Variants in CNBD1 observed in about 807,000 individuals in gnomAD.
The protein encoded by CNBD1 is cyclic nucleotide binding domain containing 1.
A neutral mutation model predicts 54.4 loss-of-function variants in CNBD1; 71 were observed. That is an observed-to-expected ratio of 1.30 (90% CI 1.08 to 1.59). CNBD1 has a LOEUF of 1.59. CNBD1 is among the 40% of genes most tolerant of loss of function. The pLI, the probability that CNBD1 is intolerant of heterozygous loss-of-function variation, is 0.00. For missense variants in CNBD1, 659 were observed against 518.0 expected, an observed-to-expected ratio of 1.27 and a Z score of -2.64; for synonymous variants, 182 against 170.7, an observed-to-expected ratio of 1.07 and a Z score of -0.51.
intron 5 of CNBD1, among the ~76,000 whole-genome samples, chr8:87,220,442 T>C (rs894347140): frequency 6.6e-6 from 1 of 151,956 alleles, no homozygotes; most frequent in East Asian, 1.9e-4. Flanking sequence ...TCTCTGCAAC[T>C]TCACTTTCTT....
intron 4 of CNBD1, among the ~76,000 whole-genome samples, chr8:86,955,236 T>C (rs1807733765): frequency 6.6e-6 from 1 of 152,220 alleles, no homozygotes; most frequent in Admixed American, 6.5e-5. Context: ...ATATCATTGA[T>C]GGACATTTGG....
rs183058044 is a variant in CNBD1, at chr8:87,409,288, C to A, written c.214-19258C>A. On this transcript the variant is annotated intron_variant, in intron 2 of 7. Coordinates refer to the CNBD1 transcript ENST00000521593. ...TCTGAATAGAAGATCAAATAAGCCA[C>A]AACACTCCCTCAAGCCTCAGCATCT... 1.6e-3 allele frequency among the ~76,000 whole-genome samples: 238 copies of A among 152,224 alleles called. 1 individual carries two copies. The highest frequency in any genetic ancestry group is 3.2e-3 in the Admixed American group (49 of 15,280).
chr8:87,172,508 C>T (rs1439776255), intron 4 of CNBD1, among the ~76,000 whole-genome samples: 2 of 152,038 alleles, frequency 1.3e-5, no homozygotes, highest in East Asian at 3.9e-4. Flanking sequence ...CTCTCTCTCT[C>T]TCTCTCTTTA....
chr8:87,363,329 G>C (rs1268575635), intron 10 of CNBD1, among the ~76,000 whole-genome samples: 1 of 152,050 alleles, frequency 6.6e-6, no homozygotes, highest in Non-Finnish European at 1.5e-5. Context: ...TGCCTTTATA[G>C]TAGAATGATT....
chr8:86,988,011 T>C (rs1808647576), intron 4 of CNBD1, among the ~76,000 whole-genome samples: 1 of 152,158 alleles, frequency 6.6e-6, no homozygotes, highest in Admixed American at 6.6e-5. Flanking sequence ...GCTAGCTTAA[T>C]ATAATGAGCA....
intron 4 of CNBD1, among the ~76,000 whole-genome samples, chr8:87,117,141 G>A (rs1811789085): frequency 6.6e-6 from 1 of 152,136 alleles, no homozygotes; most frequent in African/African-American, 2.4e-5. Flanking sequence ...GCTCACGCCT[G>A]TAATCTCAGC....
At chr8:87,109,510 G>A (rs1386855943) in intron 4 of CNBD1, among the ~76,000 whole-genome samples, 1 of 149,748 alleles carries the variant, frequency 6.7e-6, no homozygotes, top group African/African-American at 2.5e-5. Flanking sequence ...AAATTTAAAA[G>A]TCAGGGTTTG....
Position 86,870,277 on chromosome 8 carries a change from C to T in CNBD1, c.88+3694C>T, listed in dbSNP as rs560258129. ...GATTTCATTTCACTGCAAACTCTGC[C>T]TCCTGAGTTCACGCCATTCTCCTGC... On this transcript the variant is annotated intron_variant, in intron 1 of 10. Coordinates refer to ENST00000518476, the MANE Select transcript of CNBD1 (RefSeq NM_173538.3). 9.0e-5 allele frequency among the ~76,000 whole-genome samples: 13 copies of T among 144,254 alleles called. No homozygotes were observed. In the South Asian group the frequency reaches 3.0e-3, roughly 33 times the overall value. 94.6% of individuals were successfully genotyped at this position (144,254 alleles called of 152,430 possible).
At chr8:87,378,817 G>T (rs62526828) in intron 10 of CNBD1, among the ~76,000 whole-genome samples, 21,050 of 149,120 alleles carry the variant, frequency 0.14, 1,673 homozygotes, top group Non-Finnish European at 0.15. Flanking sequence ...GTTTGTATCC[G>T]CTTTTATTTC....
At chr8:87,225,465 G>A (rs1228173779) in intron 5 of CNBD1, among the ~76,000 whole-genome samples, 2 of 150,974 alleles carry the variant, frequency 1.3e-5, no homozygotes, top group Admixed American at 6.6e-5. Context: ...GTTGAATTTT[G>A]TCAAAGGCCT....
intron 5 of CNBD1, among the ~76,000 whole-genome samples, chr8:87,227,018 C>T (rs1422166850): frequency 6.6e-6 from 1 of 150,730 alleles, no homozygotes; most frequent in Non-Finnish European, 1.5e-5. Flanking sequence ...CTCTTTTGAT[C>T]TTTGTTGGTT....
Position 87,364,581 on chromosome 8 carries a change from T to A in CNBD1, c.1303+10795T>A, listed in dbSNP as rs542695004. 1.2e-4 allele frequency among the ~76,000 whole-genome samples: 19 copies of A among 152,136 alleles called. No homozygotes were observed. In the East Asian group the frequency reaches 3.7e-3, roughly 29 times the overall value. On this transcript the variant is annotated intron_variant, in intron 10 of 10. Transcript: ENST00000518476. ...TCAGTGGTTTAGTGTATAGATTTTT[T>A]TGTCACCTAGGTATCAAGCCTAGTT...
chr8:87,030,164 T>TTTTAAA (rs1287591089), intron 4 of CNBD1, among the ~76,000 whole-genome samples: 2 of 152,186 alleles, frequency 1.3e-5, no homozygotes, highest in Non-Finnish European at 2.9e-5. Flanking sequence ...TAAAGCAGCT[T>TTTTAAA]GGTAACTTTT....
Position 87,076,710 on chromosome 8 carries a change from G to T in CNBD1, c.432-129283G>T, listed in dbSNP as rs561340651. ...GCTTGCCTTGGCCTCCCAAAGTGCT[G>T]GGATTACAGGCGTGAGCCACCACAC... is the stretch of plus-strand genomic sequence containing the variant. On this transcript the variant is annotated intron_variant, in intron 4 of 10. Coordinates refer to ENST00000518476, the MANE Select transcript of CNBD1 (RefSeq NM_173538.3). Among the ~76,000 whole-genome samples, 9 of 152,096 alleles carry T rather than the reference G, an allele frequency of 5.9e-5. No homozygotes were observed. In the East Asian group the frequency reaches 1.2e-3, roughly 20 times the overall value.
intron 2 of CNBD1, 56 bp downstream of exon 2, chr8:86,887,667 T>C (rs1232246021): frequency 3.2e-6 from 4 of 1,258,506 alleles, no homozygotes; most frequent in Non-Finnish European, 4.5e-6. Context: ...AGTATTTTTG[T>C]TTTAGGGATA....
At chr8:87,129,091 A>AAAAAAAAAAAAAAG (rs869080603) in intron 4 of CNBD1, among the ~76,000 whole-genome samples, 1 of 136,640 alleles carries the variant, frequency 7.3e-6, no homozygotes, top group Non-Finnish European at 1.5e-5. Context: ...AAAAAAAAAA[A>AAAAAAAAAAAAAAG]GAATTTTGCT....
At chr8:87,227,126 A>C (rs1171364258) in intron 5 of CNBD1, among the ~76,000 whole-genome samples, 1 of 152,108 alleles carries the variant, frequency 6.6e-6, no homozygotes, top group African/African-American at 2.4e-5. Flanking sequence ...TTTTGAGCCC[A>C]TGTGTGTCTC....
At chr8:87,161,051 T>C (rs1360577353) in intron 4 of CNBD1, among the ~76,000 whole-genome samples, 3 of 152,250 alleles carry the variant, frequency 2.0e-5, no homozygotes, top group South Asian at 2.1e-4. Flanking sequence ...TTTATTTTTC[T>C]CTTGTGTGAC....
intron 10 of CNBD1, among the ~76,000 whole-genome samples, chr8:87,360,676 A>G (rs534272120): frequency 1.3e-5 from 2 of 151,998 alleles, no homozygotes; most frequent in East Asian, 3.9e-4. Context: ...CTTTTTATCT[A>G]TAAAATGAAT....
Sources: allele counts gnomAD v4.1 joint callset (sites outside exome capture counted in the v4.1 genomes callset), GRCh38; gene constraint gnomAD v4.1.1; transcripts MANE v1.5; gene names NCBI Gene and HGNC (gene_info 2026-07-23, HGNC 2026-07-21).